LPA: variants seen among roughly 807,000 people sequenced by gnomAD.
LPA encodes the protein lipoprotein(a).
In LPA, 199 loss-of-function variants were observed where a neutral mutation model predicts 197.9. The observed-to-expected ratio is 1.01, with a 90% CI of 0.90 to 1.13. LPA has a LOEUF of 1.13. Ranked by LOEUF, LPA falls within the 50% of genes most tolerant of loss-of-function variation. The pLI, the probability that LPA is intolerant of heterozygous loss-of-function variation, is 0.00. For missense variants in LPA, 1,853 were observed against 1,785.8 expected (o/e 1.04, Z -0.68); for synonymous variants, 715 against 639.5 (o/e 1.12, Z -1.78).
chr6:160,658,917 T>A (rs1279992508), intron 1 of LPA, among the ~76,000 whole-genome samples: 1 of 151,998 alleles, frequency 6.6e-6, no homozygotes, highest in Non-Finnish European at 1.5e-5. Context: ...AGAGTATATG[T>A]ATATATGTGT....
chr6:160,549,165 C>T (rs912894822), intron 30 of LPA, among the ~76,000 whole-genome samples: 1 of 152,130 alleles, frequency 6.6e-6, no homozygotes, highest in African/African-American at 2.4e-5. Flanking sequence ...AAACTGCCCC[C>T]ATGATCCAGT....
At chr6:160,609,658 T>G (rs1177986089) in intron 16 of LPA, among the ~76,000 whole-genome samples, 1 of 152,136 alleles carries the variant, frequency 6.6e-6, no homozygotes, top group Non-Finnish European at 1.5e-5. Context: ...CCCTTGCTCT[T>G]TACTGTGACT....
intron 22 of LPA, 122 bp from the exon 23 acceptor site, chr6:160,591,223 G>T: frequency 2.5e-6 from 3 of 1,223,450 alleles, no homozygotes; most frequent in Non-Finnish European, 3.5e-6. Flanking sequence ...CTCACTAAAG[G>T]TCCTGTAACA....
intron 30 of LPA, among the ~76,000 whole-genome samples, chr6:160,555,453 A>ATG (rs1424926714): frequency 7.0e-6 from 1 of 142,448 alleles, no homozygotes; most frequent in African/African-American, 2.6e-5. Flanking sequence ...ATATATATAT[A>ATG]TATGTGTGTG....
At chr6:160,542,659 G>C in intron 34 of LPA, 29 bp downstream of exon 34, 1 of 1,612,098 alleles carries the variant, frequency 6.2e-7, no homozygotes, top group Non-Finnish European at 8.5e-7. Context: ...TGGAAGGACA[G>C]TATAGATGGT....
At chr6:160,557,832 G>C (rs1053104336) in intron 28 of LPA, among the ~76,000 whole-genome samples, 5 of 151,814 alleles carry the variant, frequency 3.3e-5, no homozygotes, top group African/African-American at 1.2e-4. Context: ...ATACATAAAT[G>C]TATACAAGAA....
chr6:160,584,168 ATTTTCTTCTTCTTCTTCT>A (rs1778851053), intron 26 of LPA, among the ~76,000 whole-genome samples: 1 of 123,248 alleles, frequency 8.1e-6, no homozygotes, highest in Non-Finnish European at 1.8e-5. Context: ...ACTCATTTCT[ATTTTCTTCTTCTTCTTCT>A]TCTTCTTCTT....
chr6:160,540,984 C>A, intron 35 of LPA, 123 bp downstream of exon 35: 1 of 830,514 alleles, frequency 1.2e-6, no homozygotes, highest in Admixed American at 2.0e-5. Context: ...GTGTTCCTTC[C>A]AGAAAAGGAA....
intron 28 of LPA, among the ~76,000 whole-genome samples, chr6:160,573,508 T>C (rs1778599961): frequency 6.6e-6 from 1 of 152,164 alleles, no homozygotes; most frequent in Non-Finnish European, 1.5e-5. Flanking sequence ...CCTTGTTTTG[T>C]CATATTACCA....
rs1214365892 is a variant in LPA at position 160,611,183 on chromosome 6, A to G, written c.2603+379T>C. 2.0e-5 allele frequency among the ~76,000 whole-genome samples: 3 copies of G among 152,140 alleles called. No individual in the cohort carries two copies. The East Asian group carries it at 5.8e-4, about 29-fold the overall frequency. On this transcript the variant is annotated intron_variant, in intron 16 of 38. Coordinates refer to ENST00000316300, the MANE Select transcript of LPA (RefSeq NM_005577.4). ...ACTTTCCTCATGAGCCCAGACAGAA[A>G]AGGCAAACACAATCTTCCCTTCAGG...
intron 28 of LPA, among the ~76,000 whole-genome samples, chr6:160,565,196 T>C (rs1159628597): frequency 6.6e-6 from 1 of 152,150 alleles, no homozygotes; most frequent in Non-Finnish European, 1.5e-5. Context: ...GCAGAGAGTT[T>C]GAGATCTGAG....
chr6:160,576,668 G>A (rs1277337648), intron 28 of LPA, among the ~76,000 whole-genome samples: 2 of 74,172 alleles, frequency 2.7e-5, no homozygotes, highest in African/African-American at 1.3e-4. Flanking sequence ...ATATTCAGAT[G>A]TTTGTGTGTG....
intron 20 of LPA, 51 bp downstream of exon 20, chr6:160,599,449 A>G (rs754829157): frequency 1.9e-6 from 3 of 1,609,364 alleles, no homozygotes; most frequent in South Asian, 1.1e-5. Flanking sequence ...CTCTTCTAAC[A>G]GAAACTTCCA....
chr6:160,542,934 TA>T (rs869091687), intron 33 of LPA, 126 bp from the exon 34 acceptor site: 25 of 1,299,554 alleles, frequency 1.9e-5, no homozygotes. Context: ...GGTAAAATCA[TA>T]AACACTCTTT....
chr6:160,557,483 A>G lies in LPA; in HGVS notation c.4720T>C (p.Cys1574Arg), dbSNP rs1338086573. The stretch of plus-strand genomic sequence containing the variant: ...GTTTCTGAGCATTGTGTCAGATTGC[A>G]GTACTCCCACCTCACACACGGATCG... ...TTDPCVRWEY[C>R]NLTQCSETES... Residue 1574 changes from cysteine to arginine, a missense_variant, in exon 29 of 39, where the codon TGC (cysteine) becomes CGC (arginine). Coordinates refer to ENST00000316300, the MANE Select transcript of LPA (RefSeq NM_005577.4). The G allele has an allele frequency of 2.5e-6, 4 of 1,614,000 alleles. No individual in the cohort carries two copies. The highest frequency in any genetic ancestry group is 2.2e-5 in the East Asian group (1 of 44,884).
intron 28 of LPA, among the ~76,000 whole-genome samples, chr6:160,568,941 C>T (rs1043042962): frequency 6.6e-6 from 1 of 152,166 alleles, no homozygotes; most frequent in African/African-American, 2.4e-5. Flanking sequence ...GGAAGGACCT[C>T]TTCAAGGAGA....
Position 160,563,820 on chromosome 6 carries a change from C to A in LPA, c.4632-6249G>T, listed in dbSNP as rs371400031. Among the ~76,000 whole-genome samples, 237 of 152,226 alleles carry A rather than the reference C, an allele frequency of 1.6e-3. 8 individuals are homozygous for A. In the South Asian group the frequency reaches 0.047, roughly 30 times the overall value. On this transcript the variant is annotated intron_variant, in intron 28 of 38. Coordinates refer to ENST00000316300, the MANE Select transcript of LPA (RefSeq NM_005577.4). ...TTGATACTTTTACCATTAGGTAATG[C>A]CCTCCTTTGTCTCTTTTGATCTTTG...
Position 160,577,176 on chromosome 6 carries a change from G to A in LPA, c.4591C>T (p.Pro1531Ser), listed in dbSNP as rs771174147. The A allele has an allele frequency of 9.9e-6, 16 of 1,613,856 alleles. No individual in the cohort carries two copies. The highest frequency in any genetic ancestry group is 3.3e-5 in the Admixed American group (2 of 60,018). Residue 1531 changes from proline (P) to serine (S), a missense_variant, in exon 28 of 39, where the codon CCA becomes TCA. Transcript: ENST00000316300. ...TCTGGGGTCCTCTGATGCCAGTGTG[G>A]TATCATAGATGACCAAGATTGACAG... ...RTCQSWSSMI[P>S]HWHQRTPENY... is the part of the protein sequence containing the mutation.
At chr6:160,649,681 T>G (rs1779969071) in intron 2 of LPA, among the ~76,000 whole-genome samples, 1 of 152,202 alleles carries the variant, frequency 6.6e-6, no homozygotes, top group Non-Finnish European at 1.5e-5. Flanking sequence ...GAAATCATTT[T>G]TTCTTGTCTT....
Sources: gnomAD v4.1 joint callset for allele counts (sites outside exome capture counted in the v4.1 genomes callset) on GRCh38, gnomAD v4.1.1 for gene constraint, MANE v1.5 for transcripts, NCBI Gene and HGNC (gene_info 2026-07-23, HGNC 2026-07-21) for gene names.